TMEM17: variants seen among roughly 807,000 people sequenced by gnomAD.
The protein encoded by TMEM17 is transmembrane protein 17.
Under a neutral mutation model 19.1 loss-of-function variants are expected in TMEM17, and 15 were observed. The ratio of observed to expected loss-of-function variants is 0.78; its 90% confidence interval spans 0.52 to 1.21. The LOEUF is 1.21. Ranked by LOEUF, TMEM17 falls within the 50% of genes most tolerant of loss-of-function variation. The probability of loss-of-function intolerance (pLI) is 0.00; values close to 1 mark genes in which losing one functional copy is unlikely to be tolerated. For synonymous variants in TMEM17, 103 were observed against 86.9 expected (o/e 1.19, Z -1.03); for missense variants, 245 against 242.3 (o/e 1.01, Z -0.07).
chr2:62,489,143 T>C, the TMEM17 span, among the ~76,000 whole-genome samples: 2 of 152,198 alleles, frequency 1.3e-5, no homozygotes, highest in Admixed American at 6.5e-5. Flanking sequence ...GTGTTTTCCC[T>C]GAGGATGAGT....
the TMEM17 span, among the ~76,000 whole-genome samples, chr2:62,469,257 C>T: frequency 6.6e-6 from 1 of 152,202 alleles, no homozygotes; most frequent in East Asian, 1.9e-4. Flanking sequence ...CTAACCTCTT[C>T]CCTCAAAGAG....
the TMEM17 span, among the ~76,000 whole-genome samples, chr2:62,467,456 A>C: frequency 6.6e-6 from 1 of 152,194 alleles, no homozygotes; most frequent in Non-Finnish European, 1.5e-5. Flanking sequence ...AGCACTATAG[A>C]GACTTCTGAA....
chr2:62,499,148 T>C (rs906818716), downstream of TMEM17, among the ~76,000 whole-genome samples: 2 of 152,230 alleles, frequency 1.3e-5, no homozygotes, highest in African/African-American at 4.8e-5. Context: ...CAAAATTACT[T>C]GAAATTTTTG....
At position 62,501,114 on chromosome 2, in the gene TMEM17, A is replaced by G; in HGVS notation, c.*95T>C. On this transcript the variant is annotated 3_prime_UTR_variant, in exon 4 of 4. Coordinates refer to ENST00000335390, the MANE Select transcript of TMEM17 (RefSeq NM_198276.3). ...AGAGTGAGAGCATATACAATTCAAAACACTTGCTTTGTCCCTTTTCTCAGA... is the reference window on the plus strand; with the variant it reads ...AGAGTGAGAGCATATACAATTCAAAGCACTTGCTTTGTCCCTTTTCTCAGA... 7.1e-7 allele frequency: 1 copy of G among 1,408,490 alleles called. No homozygotes were observed. Among genetic ancestry groups the G allele is most frequent in the Non-Finnish European group, 9.7e-7 (1 of 1,035,982 alleles). 87.2% of individuals were successfully genotyped at this position (1,408,490 alleles called of 1,614,324 possible).
chr2:62,481,013 T>C, the TMEM17 span, among the ~76,000 whole-genome samples: 2 of 152,180 alleles, frequency 1.3e-5, no homozygotes, highest in African/African-American at 2.4e-5. Flanking sequence ...AGTAGTATGG[T>C]CATTTTAACA....
the TMEM17 span, among the ~76,000 whole-genome samples, chr2:62,476,331 G>A: frequency 6.6e-6 from 1 of 152,162 alleles, no homozygotes; most frequent in South Asian, 2.1e-4. Context: ...AACCAGACAG[G>A]GAGGGCATTG....
the TMEM17 span, among the ~76,000 whole-genome samples, chr2:62,485,266 G>C: frequency 1.3e-5 from 2 of 152,204 alleles, no homozygotes; most frequent in Non-Finnish European, 2.9e-5. Flanking sequence ...TTGCATCAGA[G>C]GATGCCATTG....
At chr2:62,473,030 C>T in the TMEM17 span, among the ~76,000 whole-genome samples, 1 of 152,176 alleles carries the variant, frequency 6.6e-6, no homozygotes, top group Non-Finnish European at 1.5e-5. Context: ...AAGAACCAAA[C>T]TCAGAGATGG....
At chr2:62,463,775 G>A in the TMEM17 span, 1 of 152,164 alleles carries the variant, frequency 6.6e-6, no homozygotes, top group Admixed American at 6.5e-5. Flanking sequence ...CCACTCAAAT[G>A]TTGCGTTTTC....
At chr2:62,489,985 GC>G in the TMEM17 span, among the ~76,000 whole-genome samples, 4 of 152,050 alleles carry the variant, frequency 2.6e-5, no homozygotes, top group African/African-American at 9.7e-5. Flanking sequence ...GACTAGCCTA[GC>G]CAACACAGTG....
At chr2:62,502,571 T>G in intron 2 of TMEM17, 21 bp from the exon 3 acceptor site, 1 of 1,538,964 alleles carries the variant, frequency 6.5e-7, no homozygotes, top group Non-Finnish European at 8.9e-7. Flanking sequence ...AGCCAAAACA[T>G]GTTTGTAAAA....
the TMEM17 span, among the ~76,000 whole-genome samples, chr2:62,481,479 G>C: frequency 0.064 from 9,677 of 152,144 alleles, 400 homozygotes; most frequent in East Asian, 0.16. Flanking sequence ...TTGAATAAGA[G>C]TGGTGAGAGT....
At chr2:62,478,968 A>G in the TMEM17 span, among the ~76,000 whole-genome samples, 1 of 152,104 alleles carries the variant, frequency 6.6e-6, no homozygotes, top group Non-Finnish European at 1.5e-5. Flanking sequence ...ATGATTATAC[A>G]TATTTCTGGG....
the TMEM17 span, among the ~76,000 whole-genome samples, chr2:62,483,178 A>G: frequency 6.6e-6 from 1 of 152,214 alleles, no homozygotes; most frequent in Non-Finnish European, 1.5e-5. Context: ...CTGCTGCATC[A>G]TGCCATAACC....
chr2:62,477,177 A>T, the TMEM17 span, among the ~76,000 whole-genome samples: 1 of 152,118 alleles, frequency 6.6e-6, no homozygotes, highest in Non-Finnish European at 1.5e-5. Context: ...CGGGAAGATC[A>T]CCTGAGGTCG....
the TMEM17 span, among the ~76,000 whole-genome samples, chr2:62,469,977 C>T: frequency 2.0e-5 from 3 of 152,304 alleles, no homozygotes; most frequent in African/African-American, 7.2e-5. Flanking sequence ...CTTTGTATCC[C>T]CATGTTCCCC....
chr2:62,459,101 T>TAAG, the TMEM17 span, among the ~76,000 whole-genome samples: 1 of 152,170 alleles, frequency 6.6e-6, no homozygotes, highest in Non-Finnish European at 1.5e-5. Flanking sequence ...TGACTGAAAA[T>TAAG]TGTAAGATAG....
downstream of TMEM17, among the ~76,000 whole-genome samples, chr2:62,498,758 G>A (rs1283182023): frequency 2.0e-5 from 3 of 151,258 alleles, no homozygotes; most frequent in Non-Finnish European, 4.4e-5. Context: ...AAATAATTTT[G>A]ATTTATACAA....
the TMEM17 span, among the ~76,000 whole-genome samples, chr2:62,468,336 C>T: frequency 2.6e-5 from 4 of 152,302 alleles, no homozygotes; most frequent in South Asian, 6.2e-4. Context: ...CTGGACTAGC[C>T]TACACCCTGT....
Sources: gnomAD v4.1 joint callset for allele counts (sites outside exome capture counted in the v4.1 genomes callset) on GRCh38, gnomAD v4.1.1 for gene constraint, MANE v1.5 for transcripts, NCBI Gene and HGNC (gene_info 2026-07-23, HGNC 2026-07-21) for gene names.